Variants in YWHAG observed in about 807,000 individuals in gnomAD.
YWHAG encodes 14-3-3 protein gamma.
Under a neutral mutation model 23.3 loss-of-function variants are expected in YWHAG, and 1 was observed. That is an observed-to-expected ratio of 0.04 (90% CI 0.02 to 0.20). YWHAG has a LOEUF of 0.20. Ranked by LOEUF, YWHAG falls within the 10% of genes least tolerant of loss-of-function variation. YWHAG has a pLI of 1.00. For missense variants in YWHAG, 151 were observed against 338.6 expected (o/e 0.45, Z 4.35); for synonymous variants, 160 against 144.0 (o/e 1.11, Z -0.80).
chr7:76,358,599 A>C, intron 1 of YWHAG, 123 bp downstream of exon 1: 1 of 970,026 alleles, frequency 1.0e-6, no homozygotes, highest in Non-Finnish European at 1.5e-6. Flanking sequence ...AGCCCCCCTC[A>C]GTGAGCGAGA....
chr7:76,349,678 C>T (rs1379553166), intron 1 of YWHAG, among the ~76,000 whole-genome samples: 1 of 152,042 alleles, frequency 6.6e-6, no homozygotes, highest in Non-Finnish European at 1.5e-5. Context: ...TATTGTTTGC[C>T]CTTCCTCAAT....
chr7:76,352,686 G>A (rs1247521844), intron 1 of YWHAG, among the ~76,000 whole-genome samples: 1 of 150,314 alleles, frequency 6.7e-6, no homozygotes, highest in Non-Finnish European at 1.5e-5. Context: ...GTCTCACACT[G>A]TCACCCAGGC....
At chr7:76,349,479 A>T (rs1803842249) in intron 1 of YWHAG, among the ~76,000 whole-genome samples, 1 of 151,938 alleles carries the variant, frequency 6.6e-6, no homozygotes, top group Non-Finnish European at 1.5e-5. Flanking sequence ...CCAGATGATG[A>T]AAAGAGAAAA....
Position 76,327,536 on chromosome 7 carries a change from C to T in YWHAG, c.*2041G>A, listed in dbSNP as rs1195495948. On this transcript the variant is annotated 3_prime_UTR_variant, in exon 2 of 2. Transcript: ENST00000307630. ...ATCTTGCATTATTCTAAAAAGCAGC[C>T]AGAGCCAAAGCTGAAATTTAAAGGA... The T allele has an allele frequency of 6.6e-6, 1 of 152,530 alleles. No homozygotes were observed. Among genetic ancestry groups the T allele is most frequent in the Non-Finnish European group, 1.5e-5 (1 of 68,016 alleles). 9.4% of individuals were successfully genotyped at this position (152,530 alleles called of 1,614,324 possible).
At chr7:76,337,693 C>T (rs112503073) in intron 1 of YWHAG, among the ~76,000 whole-genome samples, 1 of 152,016 alleles carries the variant, frequency 6.6e-6, no homozygotes, top group East Asian at 1.9e-4. Flanking sequence ...CACCACCACA[C>T]CCAGCTAAAC....
intron 1 of YWHAG, among the ~76,000 whole-genome samples, chr7:76,331,114 CATT>C (rs909921343): frequency 7.2e-5 from 11 of 151,934 alleles, no homozygotes; most frequent in Non-Finnish European, 1.5e-4. Context: ...ATATGAAATA[CATT>C]ATTATTATTA....
intron 1 of YWHAG, among the ~76,000 whole-genome samples, 153 bp downstream of exon 1, chr7:76,358,569 C>T (rs545045970): frequency 3.7e-4 from 56 of 152,338 alleles, no homozygotes; most frequent in Non-Finnish European, 5.1e-4. Flanking sequence ...GGGTTCCCGT[C>T]GCCTCTCGGG....
chr7:76,338,561 G>T (rs1408344007), intron 1 of YWHAG, among the ~76,000 whole-genome samples: 1 of 152,086 alleles, frequency 6.6e-6, no homozygotes, highest in Non-Finnish European at 1.5e-5. Flanking sequence ...CAAATCTTGT[G>T]CTCTTTTTCT....
intron 1 of YWHAG, among the ~76,000 whole-genome samples, chr7:76,358,189 T>C (rs1457629963): frequency 1.3e-5 from 2 of 151,796 alleles, no homozygotes; most frequent in African/African-American, 2.4e-5. Flanking sequence ...ACAATGTTTC[T>C]GGGAAGATTC....
intron 1 of YWHAG, among the ~76,000 whole-genome samples, chr7:76,346,133 G>A (rs922159848): frequency 6.6e-6 from 1 of 152,070 alleles, no homozygotes; most frequent in Admixed American, 6.6e-5. Flanking sequence ...TCCGACCCCA[G>A]GCATCCAGTG....
chr7:76,338,087 A>T (rs945983649), intron 1 of YWHAG, among the ~76,000 whole-genome samples: 37 of 152,296 alleles, frequency 2.4e-4, no homozygotes, highest in African/African-American at 8.9e-4. Flanking sequence ...ATCACATTGT[A>T]TCACAACGTG....
At chr7:76,331,547 C>T (rs985347338) in intron 1 of YWHAG, among the ~76,000 whole-genome samples, 15 of 149,896 alleles carry the variant, frequency 1.0e-4, no homozygotes, top group African/African-American at 1.5e-4. Context: ...ATTCTTTTTG[C>T]GATTTTTTTT....
chr7:76,358,072 G>A (rs960434743), intron 1 of YWHAG, among the ~76,000 whole-genome samples: 3 of 152,208 alleles, frequency 2.0e-5, no homozygotes, highest in Non-Finnish European at 4.4e-5. Flanking sequence ...AAAAGCCGGA[G>A]GACTTGCTTT....
chr7:76,335,126 C>T (rs559333347), intron 1 of YWHAG, among the ~76,000 whole-genome samples: 24 of 152,252 alleles, frequency 1.6e-4, no homozygotes, highest in African/African-American at 4.3e-4. Flanking sequence ...GGCACAATCC[C>T]GGCTCACTGC....
In YWHAG at chr7:76,328,188, G is replaced by C. The variant is rs529662682; in HGVS notation, c.*1389C>G. 6.6e-6 allele frequency: 1 copy of C among 152,244 alleles called. No homozygotes were observed. The highest frequency in any genetic ancestry group is 2.1e-4 in the South Asian group (1 of 4,820). The allele number at this position is 152,244 out of a possible 1,614,324, so 9.4% of individuals were successfully genotyped here. A position where few individuals can be genotyped will look rare whatever the true frequency, so the allele number is the denominator to read the frequency against. On this transcript the variant is annotated 3_prime_UTR_variant, in exon 2 of 2. Coordinates refer to ENST00000307630, the MANE Select transcript of YWHAG (RefSeq NM_012479.4). ...CCTTAAGGCTGCCGAAAACAAATGG[G>C]TGGAAATAGCAACGTTGTTTCCGTC...
At chr7:76,358,241 G>A (rs1803990649) in intron 1 of YWHAG, among the ~76,000 whole-genome samples, 1 of 152,222 alleles carries the variant, frequency 6.6e-6, no homozygotes, top group Admixed American at 6.5e-5. Context: ...GATTCTGGGG[G>A]GGCTGGGGAG....
chr7:76,337,300 A>G (rs559729648), intron 1 of YWHAG, among the ~76,000 whole-genome samples: 1 of 152,056 alleles, frequency 6.6e-6, no homozygotes, highest in Admixed American at 6.6e-5. Flanking sequence ...TTTATATTAA[A>G]CCTGTTTTCC....
chr7:76,350,833 G>C lies in YWHAG; in HGVS notation c.87+7889C>G, dbSNP rs553360763. ...CACTCCACCCTGAGCAATAGAGCAA[G>C]ACTGTCTCAAAAAAAAGAAAAGAGA... On this transcript the variant is annotated intron_variant, in intron 1 of 1. Transcript: ENST00000307630. Among the ~76,000 whole-genome samples, 8 of 152,058 alleles carry C rather than the reference G, an allele frequency of 5.3e-5. No homozygotes were observed. In the South Asian group the frequency reaches 1.5e-3, roughly 28 times the overall value.
intron 1 of YWHAG, among the ~76,000 whole-genome samples, chr7:76,332,109 C>T (rs1246802873): frequency 6.6e-6 from 1 of 152,120 alleles, no homozygotes; most frequent in East Asian, 1.9e-4. Flanking sequence ...TGCTGGACAA[C>T]GTTACTCCTA....
Sources: allele counts gnomAD v4.1 joint callset (sites outside exome capture counted in the v4.1 genomes callset), GRCh38; gene constraint gnomAD v4.1.1; transcripts MANE v1.5; gene names NCBI Gene and HGNC (gene_info 2026-07-23, HGNC 2026-07-21).